Variants in MMS22L observed in about 807,000 individuals in gnomAD.
MMS22L encodes the protein MMS22 like, DNA repair protein.
In MMS22L, 74 loss-of-function variants were observed where a neutral mutation model predicts 159.1. The ratio of observed to expected loss-of-function variants is 0.47; its 90% CI spans 0.39 to 0.56. MMS22L has a LOEUF of 0.56. Among genes scored for constraint, MMS22L ranks in the 20% least tolerant of loss-of-function variants. The pLI, the probability that MMS22L is intolerant of heterozygous loss-of-function variation, is 0.00. For missense variants in MMS22L, 1,351 were observed against 1,422.1 expected (o/e 0.95, Z 0.80); for synonymous variants, 517 against 506.9 (o/e 1.02, Z -0.27).
intron 8 of MMS22L, 68 bp from the exon 9 acceptor site, chr6:97,263,516 C>T: frequency 1.2e-5 from 8 of 684,758 alleles, no homozygotes; most frequent in Non-Finnish European, 1.9e-5. Flanking sequence ...ATATATCTTT[C>T]AAATACTTTT....
intron 21 of MMS22L, 47 bp from the exon 22 acceptor site, chr6:97,162,212 G>C (rs889401277): frequency 1.3e-6 from 2 of 1,518,670 alleles, no homozygotes; most frequent in Middle Eastern, 3.5e-4. Context: ...AGCTTCAATA[G>C]AGCAAGACCA....
intron 14 of MMS22L, among the ~76,000 whole-genome samples, chr6:97,211,653 ATTC>A (rs1209822666): frequency 6.6e-6 from 1 of 152,164 alleles, no homozygotes; most frequent in Non-Finnish European, 1.5e-5. Flanking sequence ...ATATTAAAAT[ATTC>A]TTCTGACATC....
At chr6:97,152,018 T>A (rs143735391) in intron 22 of MMS22L, 151 bp from the exon 23 acceptor site, 2 of 565,666 alleles carry the variant, frequency 3.5e-6, no homozygotes, top group African/African-American at 3.8e-5. Flanking sequence ...AGTTCTAAGT[T>A]TTTGTTTTAT....
chr6:97,157,838 T>C (rs1400206938), intron 22 of MMS22L, among the ~76,000 whole-genome samples: 1 of 152,176 alleles, frequency 6.6e-6, no homozygotes, highest in African/African-American at 2.4e-5. Context: ...CTTCATAAAA[T>C]GAATTAGGGA....
intron 9 of MMS22L, among the ~76,000 whole-genome samples, chr6:97,254,978 C>T (rs1813637277): frequency 6.6e-6 from 1 of 150,802 alleles, no homozygotes; most frequent in South Asian, 2.1e-4. Context: ...CATGATAAAT[C>T]ATTTCCTTGC....
chr6:97,206,859 T>C lies in MMS22L; in HGVS notation c.2040-20169A>G, dbSNP rs150495148. On this transcript the variant is annotated intron_variant, in intron 14 of 24. Transcript: ENST00000683635. Reference sequence around the variant, plus strand: ...TAGATTTTAGGTAGAATAACAGTTATCTAAAATTACTGTTTTTAATGATTT... The same window carrying C: ...TAGATTTTAGGTAGAATAACAGTTACCTAAAATTACTGTTTTTAATGATTT... Among the ~76,000 whole-genome samples the C allele has an allele frequency of 4.5e-3, 680 of 152,254 alleles. 4 individuals are homozygous for C. Among genetic ancestry groups the C allele is most frequent in the African/African-American group, 0.015 (633 of 41,556 alleles).
intron 14 of MMS22L, among the ~76,000 whole-genome samples, chr6:97,192,459 T>C (rs1354891890): frequency 1.3e-5 from 2 of 152,274 alleles, no homozygotes; most frequent in South Asian, 4.1e-4. Context: ...TACTGTCCTC[T>C]ATGGAGCTGC....
At chr6:97,259,870 C>T (rs1276878251) in intron 9 of MMS22L, 1 of 152,038 alleles carries the variant, frequency 6.6e-6, no homozygotes, top group Admixed American at 6.5e-5. Context: ...AATAAATAAA[C>T]GTATGCATAT....
chr6:97,171,309 T>C (rs1191878832), intron 19 of MMS22L, among the ~76,000 whole-genome samples: 1 of 152,146 alleles, frequency 6.6e-6, no homozygotes, highest in Non-Finnish European at 1.5e-5. Context: ...CTATAAATAA[T>C]ATCATATCAC....
intron 21 of MMS22L, among the ~76,000 whole-genome samples, chr6:97,164,997 C>A (rs1325348466): frequency 1.3e-5 from 2 of 151,822 alleles, no homozygotes; most frequent in Non-Finnish European, 2.9e-5. Context: ...CAAAAATATA[C>A]CTTTAGGACA....
At chr6:97,275,434 G>A (rs1464090137) in intron 4 of MMS22L, among the ~76,000 whole-genome samples, 1 of 152,184 alleles carries the variant, frequency 6.6e-6, no homozygotes, top group Non-Finnish European at 1.5e-5. Context: ...GGCTGAGGCA[G>A]GAAAATTGCT....
At chr6:97,200,040 TCTC>T (rs1355904978) in intron 14 of MMS22L, among the ~76,000 whole-genome samples, 1 of 152,040 alleles carries the variant, frequency 6.6e-6, no homozygotes, top group African/African-American at 2.4e-5. Flanking sequence ...CTTATTTTGA[TCTC>T]CTCACTCTGT....
At chr6:97,167,956 C>G (rs1350416239) in intron 20 of MMS22L, 115 bp downstream of exon 20, 1 of 893,094 alleles carries the variant, frequency 1.1e-6, no homozygotes, top group Non-Finnish European at 1.6e-6. Context: ...ATGTGCCACA[C>G]AAGCATTTGA....
At chr6:97,180,306 T>G (rs1804582013) in intron 16 of MMS22L, among the ~76,000 whole-genome samples, 1 of 152,160 alleles carries the variant, frequency 6.6e-6, no homozygotes, top group Non-Finnish European at 1.5e-5. Context: ...TTTCACCGTG[T>G]TAGCCAGGAT....
chr6:97,228,720 C>T (rs554532418), intron 14 of MMS22L, among the ~76,000 whole-genome samples, 174 bp downstream of exon 14: 52 of 152,208 alleles, frequency 3.4e-4, no homozygotes, highest in South Asian at 2.7e-3. Flanking sequence ...TTTTAGTACA[C>T]GGATATATTC....
In MMS22L at chr6:97,165,320, A is replaced by C; in HGVS notation, c.3147T>G (p.Val1049=). 6.2e-7 allele frequency: 1 copy of C among 1,613,458 alleles called. No homozygotes were observed. The highest frequency in any genetic ancestry group is 8.5e-7 in the Non-Finnish European group (1 of 1,179,646). Residue 1049 remains valine, a synonymous_variant, in exon 21 of 25, where the codon GTT becomes GTG. Transcript: ENST00000683635. The stretch of plus-strand genomic sequence containing the variant: ...TGGCTGTGTTTCTCAATGCCAGCAA[A>C]ACAGGATGTTGTCCAAGATCTGAAA... The part of the protein sequence containing the change: ...PYVSDLGQHP[V]LLALRNTATI...
At chr6:97,233,326 C>A (rs1811067178) in intron 12 of MMS22L, among the ~76,000 whole-genome samples, 1 of 152,106 alleles carries the variant, frequency 6.6e-6, no homozygotes, top group South Asian at 2.1e-4. Flanking sequence ...CTGCCTGGAT[C>A]CCTTTTTCTT....
chr6:97,176,143 C>G (rs998701007), intron 18 of MMS22L, among the ~76,000 whole-genome samples: 1 of 152,078 alleles, frequency 6.6e-6, no homozygotes, highest in Admixed American at 6.6e-5. Context: ...GCTTTTTCTT[C>G]TGTAAATGCA....
intron 11 of MMS22L, among the ~76,000 whole-genome samples, chr6:97,240,687 C>T (rs974634874): frequency 1.7e-4 from 26 of 151,002 alleles, no homozygotes; most frequent in African/African-American, 5.8e-4. Context: ...AGTGCAATGG[C>T]GTGATCTTGG....
Sources: allele counts gnomAD v4.1 joint callset (sites outside exome capture counted in the v4.1 genomes callset), GRCh38; gene constraint gnomAD v4.1.1; transcripts MANE v1.5; gene names NCBI Gene and HGNC (gene_info 2026-07-23, HGNC 2026-07-21).